Variants in EXOC6 observed in about 807,000 individuals in gnomAD.
EXOC6 encodes the protein SEC15-like 1.
EXOC6 carries 60 observed loss-of-function variants against 112.5 expected under a neutral mutation model. The observed-to-expected ratio is 0.53, with a 90% confidence interval of 0.43 to 0.66. EXOC6 has a LOEUF of 0.66. Among genes scored for constraint, EXOC6 ranks in the 30% least tolerant of loss-of-function variants. The probability of loss-of-function intolerance (pLI) is 0.00; values close to 1 mark genes in which losing one functional copy is unlikely to be tolerated. For synonymous variants in EXOC6, 295 were observed against 308.0 expected (o/e 0.96, Z 0.44); for missense variants, 855 against 957.1 (o/e 0.89, Z 1.41).
intron 1 of EXOC6, among the ~76,000 whole-genome samples, chr10:92,829,486 G>C (rs1265442029): frequency 6.6e-6 from 1 of 152,164 alleles, no homozygotes; most frequent in Non-Finnish European, 1.5e-5. Context: ...ATGAACCTCG[G>C]ACAACAACGC....
At chr10:92,920,187 A>G (rs901716492) in intron 8 of EXOC6, 137 bp downstream of exon 8, 7 of 501,656 alleles carry the variant, frequency 1.4e-5, no homozygotes, top group Admixed American at 1.2e-4. Flanking sequence ...TGTGTAAGGC[A>G]CTTACATTTT....
At chr10:92,943,710 A>AT (rs71306831) in intron 13 of EXOC6, among the ~76,000 whole-genome samples, 41,162 of 146,042 alleles carry the variant, frequency 0.28, 5,725 homozygotes, top group Middle Eastern at 0.37. Context: ...TCACGTACTT[A>AT]TTTTTTTTTT....
At chr10:92,905,257 G>A (rs895359417) in intron 5 of EXOC6, among the ~76,000 whole-genome samples, 4 of 151,930 alleles carry the variant, frequency 2.6e-5, no homozygotes, top group African/African-American at 7.2e-5. Context: ...TGGCTATTCT[G>A]GGTCTTTTGC....
rs1256260310 is a variant in EXOC6, at chr10:93,058,347, C to T, written c.2407C>T (p.His803Tyr). The T allele has an allele frequency of 1.2e-6, 2 of 1,602,770 alleles. No individual in the cohort carries two copies. The highest frequency in any genetic ancestry group is 2.2e-5 in the East Asian group (1 of 44,546). ...LRSLVNGMSQ[H>Y]M ...AAGTTTGGTGAATGGTATGTCCCAG[C>T]ACATGTAGACCTCACATGGCTTGCA... is the stretch of plus-strand genomic sequence containing the variant. Residue 803 changes from histidine (H) to tyrosine (Y), a missense_variant, in exon 22 of 22, where the codon CAC becomes TAC. His to Tyr is a moderately conservative substitution (Grantham distance 83). This residue lies in a region of EXOC6 where 450 missense variants were observed against 563.5 expected (regional missense o/e 0.80). Transcript: ENST00000260762.
At chr10:92,962,974 C>T (rs898703421) in intron 17 of EXOC6, among the ~76,000 whole-genome samples, 1 of 152,052 alleles carries the variant, frequency 6.6e-6, no homozygotes, top group African/African-American at 2.4e-5. Context: ...CCTGCCTGGA[C>T]CCTGAAGGCA....
chr10:92,874,193 G>A (rs547085748), intron 1 of EXOC6, among the ~76,000 whole-genome samples: 183 of 152,288 alleles, frequency 1.2e-3, no homozygotes, highest in African/African-American at 4.3e-3. Flanking sequence ...CCAAGCAGCA[G>A]TATTTTAGGA....
intron 20 of EXOC6, among the ~76,000 whole-genome samples, chr10:93,029,810 T>C (rs1845191030): frequency 6.6e-6 from 1 of 152,214 alleles, no homozygotes; most frequent in Admixed American, 6.5e-5. Flanking sequence ...ATGCATAGTT[T>C]GGGATGTAAA....
chr10:92,832,554 A>T (rs191243642), upstream of EXOC6, among the ~76,000 whole-genome samples: 2 of 152,270 alleles, frequency 1.3e-5, no homozygotes, highest in African/African-American at 4.8e-5. Flanking sequence ...CTGGGATTAC[A>T]GGTGTGAGCC....
intron 20 of EXOC6, among the ~76,000 whole-genome samples, chr10:93,040,152 T>C (rs1041936328): frequency 2.0e-5 from 3 of 152,252 alleles, no homozygotes; most frequent in African/African-American, 7.2e-5. Context: ...TAGGAAGCCT[T>C]TTTAATGAGG....
At chr10:92,971,891 T>C (rs778643423) in intron 17 of EXOC6, among the ~76,000 whole-genome samples, 7 of 152,224 alleles carry the variant, frequency 4.6e-5, no homozygotes, top group Admixed American at 3.9e-4. Flanking sequence ...ACTGTACATT[T>C]ATAATAATAT....
intron 19 of EXOC6, among the ~76,000 whole-genome samples, chr10:93,002,667 T>C (rs1014434882): frequency 1.3e-5 from 2 of 152,228 alleles, no homozygotes; most frequent in African/African-American, 4.8e-5. Flanking sequence ...AGCCAGTTGC[T>C]AATCCTCTGA....
At chr10:92,886,366 C>T (rs530789510) in intron 1 of EXOC6, among the ~76,000 whole-genome samples, 6 of 152,328 alleles carry the variant, frequency 3.9e-5, no homozygotes, top group Non-Finnish European at 5.9e-5. Context: ...TTTAAAACTG[C>T]GTAACTATTA....
chr10:92,899,947 C>A, intron 5 of EXOC6: 1 of 253,854 alleles, frequency 3.9e-6, no homozygotes, highest in Non-Finnish European at 7.5e-6. Flanking sequence ...TAACTAAGGG[C>A]TAAGTGCATA....
chr10:92,976,157 C>T (rs1842592614), intron 18 of EXOC6, among the ~76,000 whole-genome samples: 1 of 152,062 alleles, frequency 6.6e-6, no homozygotes, highest in African/African-American at 2.4e-5. Context: ...CGGGCCACCA[C>T]CCCGTCTGGG....
upstream of EXOC6, among the ~76,000 whole-genome samples, chr10:92,833,293 A>C (rs1271240542): frequency 6.6e-6 from 1 of 152,176 alleles, no homozygotes; most frequent in Non-Finnish European, 1.5e-5. Context: ...GAAAATATAT[A>C]CTTTCCCCTG....
At position 92,893,665 on chromosome 10, in the gene EXOC6, C is replaced by G. The variant is rs1316301144; in HGVS notation, c.273+145C>G. 1.0e-4 allele frequency: 61 copies of G among 596,712 alleles called. No individual in the cohort carries two copies. The East Asian group carries it at 1.7e-3, about 17-fold the overall frequency. 37.0% of individuals were successfully genotyped at this position (596,712 alleles called of 1,614,324 possible). A position where few individuals can be genotyped will look rare whatever the true frequency, so the allele number is the denominator to read the frequency against. Reference sequence around the variant, plus strand: ...TGTATTAGGGAATGCTCTTTATGCTCTATTAACACAGTTGTCATGCTAATG... The same window carrying G: ...TGTATTAGGGAATGCTCTTTATGCTGTATTAACACAGTTGTCATGCTAATG... On this transcript the variant is annotated intron_variant, in intron 2 of 21. Coordinates refer to ENST00000260762, the MANE Select transcript of EXOC6 (RefSeq NM_019053.6).
chr10:92,890,327 G>T (rs779904288), intron 1 of EXOC6, among the ~76,000 whole-genome samples: 1 of 152,162 alleles, frequency 6.6e-6, no homozygotes, highest in Non-Finnish European at 1.5e-5. Context: ...GATACTTAGA[G>T]AATTCAGGTG....
intron 1 of EXOC6, among the ~76,000 whole-genome samples, chr10:92,856,896 T>C (rs1026773686): frequency 1.3e-5 from 2 of 152,224 alleles, no homozygotes; most frequent in Non-Finnish European, 2.9e-5. Context: ...TTTCTAGACT[T>C]GTTTTAAAGT....
chr10:92,834,659 A>ATT (rs11408607), upstream of EXOC6: 20,843 of 959,768 alleles, frequency 0.022, 62 homozygotes, highest in African/African-American at 0.033. Flanking sequence ...GGAAAACGGT[A>ATT]TTTTTTTTTT....
Sources: allele counts gnomAD v4.1 joint callset (sites outside exome capture counted in the v4.1 genomes callset), GRCh38; gene constraint gnomAD v4.1.1; regional missense constraint gnomAD v4.1.1; transcripts MANE v1.5; gene names NCBI Gene and HGNC (gene_info 2026-07-23, HGNC 2026-07-21).